Variants in SHC4 observed in about 807,000 individuals in gnomAD.
SHC4 encodes the protein SHC-transforming protein 4.
SHC4 carries 41 observed loss-of-function variants against 69.4 expected under a neutral mutation model. That is an observed-to-expected ratio of 0.59 (90% confidence interval 0.46 to 0.77). The LOEUF (loss-of-function observed/expected upper bound fraction) is 0.77. SHC4 is among the 30% of genes least tolerant of loss of function. The pLI is 0.00. For synonymous variants in SHC4, 318 were observed against 299.3 expected (o/e 1.06, Z -0.64); for missense variants, 777 against 783.8 (o/e 0.99, Z 0.10).
In SHC4 at chr15:48,834,498, C is replaced by T. The variant is rs114217273; in HGVS notation, c.1737+271G>A. ...TTGAACAACAAACAGCTGCAAATTCCTTTATTTCTATATAGCAGGTATTCA... is the reference window on the plus strand; with the variant it reads ...TTGAACAACAAACAGCTGCAAATTCTTTTATTTCTATATAGCAGGTATTCA... On this transcript the variant is annotated intron_variant, in intron 11 of 11. Coordinates refer to ENST00000332408, the MANE Select transcript of SHC4 (RefSeq NM_203349.4). 6.3e-3 allele frequency among the ~76,000 whole-genome samples: 952 copies of T among 152,210 alleles called. 8 individuals are homozygous for T. The highest frequency in any genetic ancestry group is 0.022 in the African/African-American group (900 of 41,522).
chr15:48,936,900 T>A (rs1901081507), intron 1 of SHC4, among the ~76,000 whole-genome samples: 1 of 152,140 alleles, frequency 6.6e-6, no homozygotes, highest in Non-Finnish European at 1.5e-5. Context: ...CACAGGGGAA[T>A]TTGTTTGAAC....
Position 48,825,066 on chromosome 15 carries a change from C to T in SHC4, c.*905G>A, listed in dbSNP as rs1270175667. 6.6e-6 allele frequency: 1 copy of T among 152,546 alleles called. No individual in the cohort carries two copies. Among genetic ancestry groups the T allele is most frequent in the African/African-American group, 2.4e-5 (1 of 41,432 alleles). 9.4% of individuals were successfully genotyped at this position (152,546 alleles called of 1,614,324 possible). ...ATTTCAAATAGATTCTGTACTTTTA[C>T]TAAGAATGAAACCAATTTGAATAGT... On this transcript the variant is annotated 3_prime_UTR_variant, in exon 12 of 12. Transcript: ENST00000332408.
intron 1 of SHC4, among the ~76,000 whole-genome samples, chr15:48,960,012 T>A (rs1901515838): frequency 6.6e-6 from 1 of 152,248 alleles, no homozygotes; most frequent in Non-Finnish European, 1.5e-5. Flanking sequence ...TCTATAAAAC[T>A]TAATAAGTAA....
At chr15:48,832,008 C>T (rs757683014) in intron 11 of SHC4, among the ~76,000 whole-genome samples, 13 of 152,316 alleles carry the variant, frequency 8.5e-5, no homozygotes, top group South Asian at 2.1e-4. Flanking sequence ...CGGTGGCTCA[C>T]GCCTATAATC....
chr15:48,847,002 AGAAAG>A (rs796814110), intron 9 of SHC4, among the ~76,000 whole-genome samples: 116 of 151,802 alleles, frequency 7.6e-4, no homozygotes, highest in African/African-American at 2.7e-3. Context: ...AAAAAAAGAA[AGAAAG>A]GAAACTGCCA....
intron 2 of SHC4, among the ~76,000 whole-genome samples, chr15:48,919,018 G>T (rs547633373): frequency 3.9e-4 from 60 of 152,166 alleles, no homozygotes; most frequent in African/African-American, 1.4e-3. Flanking sequence ...AAGAAGCTGG[G>T]ATGGGGACAG....
At position 48,824,935 on chromosome 15, in the gene SHC4, T is replaced by TC. The variant is rs943846416; in HGVS notation, c.*1035_*1036insG. 2 of 152,064 alleles carry TC rather than the reference T, an allele frequency of 1.3e-5. No homozygotes were observed. The highest frequency in any genetic ancestry group is 1.3e-4 in the Admixed American group (2 of 15,226). 9.4% of individuals were successfully genotyped at this position (152,064 alleles called of 1,614,324 possible). On this transcript the variant is annotated 3_prime_UTR_variant, in exon 12 of 12. Transcript: ENST00000332408. ...AAGTGCTTCATTCAATATGTTTTTT[T>TC]TTCCTTCTGCATTTTGTCTGATCAT...
intron 4 of SHC4, among the ~76,000 whole-genome samples, chr15:48,875,142 A>T (rs1229736294): frequency 6.6e-6 from 1 of 152,250 alleles, no homozygotes; most frequent in Non-Finnish European, 1.5e-5. Flanking sequence ...GTTCATTACA[A>T]CAGGTGATTC....
At chr15:48,898,406 A>T (rs1168040914) in intron 2 of SHC4, among the ~76,000 whole-genome samples, 13 of 152,192 alleles carry the variant, frequency 8.5e-5, no homozygotes, top group Admixed American at 7.2e-4. Flanking sequence ...ACATCCTTTC[A>T]CTTTAGAAAC....
chr15:48,851,812 A>G (rs555117456), intron 8 of SHC4, among the ~76,000 whole-genome samples: 8 of 152,308 alleles, frequency 5.3e-5, no homozygotes, highest in African/African-American at 1.7e-4. Context: ...GTTTGGCAGC[A>G]CTGTGCAGGA....
Position 48,948,511 on chromosome 15 carries a change from T to C in SHC4, c.585+13920A>G, listed in dbSNP as rs74603110. 2.8e-4 allele frequency among the ~76,000 whole-genome samples: 43 copies of C among 152,364 alleles called. No individual in the cohort carries two copies. The East Asian group carries it at 7.9e-3, about 28-fold the overall frequency. The stretch of plus-strand genomic sequence containing the variant: ...GCTGTGAGTATTTGAATTGTGGGCT[T>C]ACCAAGAATTCTGCTATGTTTGTGC... On this transcript the variant is annotated intron_variant, in intron 1 of 11. Coordinates refer to ENST00000332408, the MANE Select transcript of SHC4 (RefSeq NM_203349.4).
chr15:48,918,199 C>G (rs552906242), intron 2 of SHC4, among the ~76,000 whole-genome samples: 2 of 152,286 alleles, frequency 1.3e-5, no homozygotes, highest in African/African-American at 4.8e-5. Context: ...AACAAAAGAT[C>G]CCGTCCACCA....
At chr15:48,934,924 G>A (rs940740772) in intron 1 of SHC4, among the ~76,000 whole-genome samples, 2 of 152,164 alleles carry the variant, frequency 1.3e-5, no homozygotes, top group Non-Finnish European at 2.9e-5. Flanking sequence ...GGGCTATGTG[G>A]TTTTTGGGGA....
intron 5 of SHC4, 21 bp downstream of exon 5, chr15:48,872,068 C>T (rs1899686795): frequency 6.6e-7 from 1 of 1,510,168 alleles, no homozygotes; most frequent in Non-Finnish European, 9.1e-7. Flanking sequence ...ATAAAAAGAA[C>T]TTCTGTGAAT....
chr15:48,930,051 G>C (rs1433258487), intron 1 of SHC4, among the ~76,000 whole-genome samples: 2 of 152,126 alleles, frequency 1.3e-5, no homozygotes, highest in Non-Finnish European at 1.5e-5. Context: ...AGTTACTTAT[G>C]GGAAGTCTCA....
chr15:48,837,812 T>A (rs1371493950), intron 10 of SHC4, among the ~76,000 whole-genome samples: 1 of 151,946 alleles, frequency 6.6e-6, no homozygotes, highest in Non-Finnish European at 1.5e-5. Context: ...CCCAAATGGA[T>A]CTAATGGGCA....
At chr15:48,878,338 G>A in intron 4 of SHC4, 1 of 1,613,584 alleles carries the variant, frequency 6.2e-7, no homozygotes, top group Non-Finnish European at 8.5e-7. Flanking sequence ...AGCTCGAGGA[G>A]GAAGGCCCAA....
intron 4 of SHC4, among the ~76,000 whole-genome samples, chr15:48,872,955 A>T (rs565179626): frequency 3.3e-5 from 5 of 152,348 alleles, no homozygotes; most frequent in African/African-American, 9.6e-5. Flanking sequence ...TGTGTGACAG[A>T]ATCTACCAAA....
At chr15:48,873,366 C>G (rs542254965) in intron 4 of SHC4, among the ~76,000 whole-genome samples, 3 of 152,172 alleles carry the variant, frequency 2.0e-5, no homozygotes, top group East Asian at 3.8e-4. Flanking sequence ...ATAATTATTA[C>G]GGACTTATTA....
Sources: gnomAD v4.1 joint callset for allele counts (sites outside exome capture counted in the v4.1 genomes callset) on GRCh38, gnomAD v4.1.1 for gene constraint, MANE v1.5 for transcripts, NCBI Gene and HGNC (gene_info 2026-07-23, HGNC 2026-07-21) for gene names.